The following LAMC3 variants were observed in gnomAD, a reference collection of about 807,000 sequenced individuals.
LAMC3 encodes the protein laminin subunit gamma 3, also known as laminin subunit gamma-3.
A neutral mutation model predicts 173.8 loss-of-function variants in LAMC3; 128 were observed. The ratio of observed to expected loss-of-function variants is 0.74; its 90% CI spans 0.64 to 0.85. The LOEUF is 0.85. LAMC3 is among the 40% of genes least tolerant of loss of function. LAMC3 has a pLI of 0.00. For synonymous variants in LAMC3, 897 were observed against 909.1 expected, an observed-to-expected ratio of 0.99 and a Z score of 0.24; for missense variants, 2,022 against 2,156.0, an observed-to-expected ratio of 0.94 and a Z score of 1.23.
At chr9:131,060,895 C>A (rs1564380914) in intron 12 of LAMC3, 140 bp from the exon 13 acceptor site, 1 of 809,086 alleles carries the variant, frequency 1.2e-6, no homozygotes, top group Admixed American at 2.0e-5. Context: ...GACCCTCAAT[C>A]CCCAGGCCTT....
At chr9:131,038,729 C>T (rs1833987821) in intron 4 of LAMC3, 135 bp from the exon 5 acceptor site, 1 of 938,650 alleles carries the variant, frequency 1.1e-6, no homozygotes, top group African/African-American at 1.6e-5. Flanking sequence ...TGGGCCTGAA[C>T]TCCATTCTGG....
At chr9:131,056,855 A>C (rs1286303337) in intron 11 of LAMC3, 74 bp from the exon 12 acceptor site, 8 of 1,190,530 alleles carry the variant, frequency 6.7e-6, no homozygotes, top group Non-Finnish European at 8.7e-6. Context: ...ATATGTGAAC[A>C]GGAAGGTTTT....
rs550458469 is a variant in LAMC3, at chr9:131,067,228, C to T, written c.2593+23C>T. ...TGCGTGAGTACCTACCTCCAGACCC[C>T]AGGGTGGCACATGGTGGGCCCCTTC... On this transcript the variant is annotated intron_variant, in intron 14 of 27. Coordinates refer to ENST00000361069, the MANE Select transcript of LAMC3 (RefSeq NM_006059.4). The T allele has an allele frequency of 1.4e-5, 22 of 1,611,754 alleles. No individual in the cohort carries two copies. The Admixed American group carries it at 3.2e-4, about 23-fold the overall frequency.
chr9:131,016,329 G>A (rs1833519333), intron 1 of LAMC3, among the ~76,000 whole-genome samples: 1 of 152,110 alleles, frequency 6.6e-6, no homozygotes, highest in South Asian at 2.1e-4. Flanking sequence ...GATGGATGGT[G>A]GTGAAGGTTG....
At chr9:131,071,391 C>T in intron 17 of LAMC3, 93 bp from the exon 18 acceptor site, 3 of 1,468,030 alleles carry the variant, frequency 2.0e-6, no homozygotes, top group Non-Finnish European at 1.9e-6. Flanking sequence ...AGGGAACCCC[C>T]AGGGAGAGTG....
At chr9:131,032,547 GCTCTCTCT>G (rs1265773013) in intron 3 of LAMC3, among the ~76,000 whole-genome samples, 1 of 110,244 alleles carries the variant, frequency 9.1e-6, no homozygotes, top group African/African-American at 6.3e-5. Flanking sequence ...TCTCTCTCTT[GCTCTCTCT>G]CGCTCTCTCT....
At chr9:131,087,915 G>A (rs1830360304) in intron 27 of LAMC3, 98 bp downstream of exon 27, 4 of 929,300 alleles carry the variant, frequency 4.3e-6, no homozygotes, top group Non-Finnish European at 6.9e-6. Flanking sequence ...TTTCCTCCTT[G>A]TCCTCATTGC....
At chr9:131,031,695 T>G (rs550219703) in intron 2 of LAMC3, among the ~76,000 whole-genome samples, 1 of 152,206 alleles carries the variant, frequency 6.6e-6, no homozygotes, top group Non-Finnish European at 1.5e-5. Context: ...AAACCTCAGC[T>G]GCTTCCTGAC....
chr9:131,051,167 A>G (rs530317820), intron 9 of LAMC3, among the ~76,000 whole-genome samples: 33 of 152,276 alleles, frequency 2.2e-4, no homozygotes, highest in African/African-American at 7.9e-4. Flanking sequence ...GCAGAATTAA[A>G]ATCCCACCCC....
At chr9:131,085,745 A>G (rs1424103820) in intron 25 of LAMC3, 22 bp downstream of exon 25, 10 of 1,612,110 alleles carry the variant, frequency 6.2e-6, no homozygotes, top group Non-Finnish European at 8.5e-6. Flanking sequence ...GGCTGTGACA[A>G]CAGTGGCCTC....
At chr9:131,033,533 T>G (rs1322586764) in intron 3 of LAMC3, among the ~76,000 whole-genome samples, 1 of 151,958 alleles carries the variant, frequency 6.6e-6, no homozygotes, top group Non-Finnish European at 1.5e-5. Flanking sequence ...GTGGAGAGGT[T>G]GGCAGAGTGT....
At chr9:131,041,069 CAG>C (rs1331974096) in intron 6 of LAMC3, among the ~76,000 whole-genome samples, 2 of 151,978 alleles carry the variant, frequency 1.3e-5, no homozygotes, top group Admixed American at 1.3e-4. Context: ...AGGGGATAGA[CAG>C]AAAGATTCAT....
rs1291529935 is a variant in LAMC3 at position 131,092,973 on chromosome 9, C to T, written c.*1186C>T. The T allele has an allele frequency of 6.6e-6, 1 of 152,470 alleles. No individual in the cohort carries two copies. The highest frequency in any genetic ancestry group is 1.5e-5 in the Non-Finnish European group (1 of 68,232). The allele number at this position is 152,470 out of a possible 1,614,324, so 9.4% of individuals were successfully genotyped here. The stretch of plus-strand genomic sequence containing the variant: ...GGCACCTCTGCGGGCCCAGCCCCCT[C>T]CCGTGGCTCCCCTGACAGGGGCAGG... On this transcript the variant is annotated 3_prime_UTR_variant, in exon 28 of 28. Transcript: ENST00000361069.
Position 131,071,562 on chromosome 9 carries a change from C to T in LAMC3, c.3148C>T (p.Leu1050=). 1 of 1,612,442 alleles carries T rather than the reference C, an allele frequency of 6.2e-7. No homozygotes were observed. Among genetic ancestry groups the T allele is most frequent in the Non-Finnish European group, 8.5e-7 (1 of 1,178,984 alleles). ...CGACTGTGGCAGTCCCTGGGGACCA[C>T]TAGACATTCTGCTGGGAGAGGCCCC... ...GSDCGSPWGP[L]DILLGEAPRG... Residue 1050 remains leucine (L), a synonymous_variant, in exon 18 of 28, where the codon CTA becomes TTA. Coordinates refer to ENST00000361069, the MANE Select transcript of LAMC3 (RefSeq NM_006059.4).
Position 131,068,198 on chromosome 9 carries a change from T to G in LAMC3, c.2714T>G (p.Phe905Cys), listed in dbSNP as rs149470853. The G allele has an allele frequency of 1.4e-5, 22 of 1,612,136 alleles. No individual in the cohort carries two copies. The highest frequency in any genetic ancestry group is 1.3e-4 in the Admixed American group (8 of 59,992). The change falls in exon 15 of 28, where the codon TTC becomes TGC. Residue 905 changes from phenylalanine (F) to cysteine (C), a missense_variant. Transcript: ENST00000361069. The stretch of plus-strand genomic sequence containing the variant: ...GACTGCAGCCGCTGCTACCCTGGCT[T>G]CTTCGACCTCCAGCCTGGGAGGGGC... ...ARDCSRCYPG[F>C]FDLQPGRGCR...
At chr9:131,067,249 CCTTCT>C in intron 14 of LAMC3, 44 bp downstream of exon 14, 7 of 1,608,602 alleles carry the variant, frequency 4.4e-6, no homozygotes, top group Non-Finnish European at 5.1e-6. Context: ...ATGGTGGGCC[CCTTCT>C]CTTCTGCCCT....
rs999096805 is a variant in LAMC3 at position 131,048,922 on chromosome 9, G to T, written c.1520-98G>T. ...CCTGAGCTTTCTAGCTTCTCCTGGG[G>T]CTCCCTCCTACCCCAGGGCCCCCAC... On this transcript the variant is annotated intron_variant, in intron 8 of 27. Coordinates refer to ENST00000361069, the MANE Select transcript of LAMC3 (RefSeq NM_006059.4). 8 of 673,658 alleles carry T rather than the reference G, an allele frequency of 1.2e-5. No individual in the cohort carries two copies. The African/African-American group carries it at 1.5e-4, about 12-fold the overall frequency. 41.7% of individuals were successfully genotyped at this position (673,658 alleles called of 1,614,324 possible). A position where few individuals can be genotyped will look rare whatever the true frequency, so the allele number is the denominator to read the frequency against.
intron 25 of LAMC3, among the ~76,000 whole-genome samples, chr9:131,087,239 T>C (rs1830347215): frequency 6.6e-6 from 1 of 152,258 alleles, no homozygotes; most frequent in Admixed American, 6.5e-5. Context: ...TCTGTGCCTC[T>C]GTTTCCTCAC....
At position 131,052,526 on chromosome 9, in the gene LAMC3, C is replaced by T; in HGVS notation, c.1666C>T (p.Gln556Ter). 6.2e-7 allele frequency: 1 copy of T among 1,614,192 alleles called. No homozygotes were observed. ...GGGAGACCAGCGGTTCAGCTATGGG[C>T]AGCCCCTCATACTGACCTTCCGGGT... ...FLGDQRFSYG[Q>*]PLILTFRVPP... is the part of the protein sequence containing the mutation. The change falls in exon 10 of 28, where the codon CAG becomes TAG. Residue 556 changes from glutamine to a stop codon, truncating the protein, a stop_gained. Coordinates refer to ENST00000361069, the MANE Select transcript of LAMC3 (RefSeq NM_006059.4). LOFTEE classifies it high-confidence loss of function.
Sources: gnomAD v4.1 joint callset for allele counts (sites outside exome capture counted in the v4.1 genomes callset) on GRCh38, gnomAD v4.1.1 for gene constraint, MANE v1.5 for transcripts, NCBI Gene and HGNC (gene_info 2026-07-23, HGNC 2026-07-21) for gene names.